Variants in RBBP4 observed in about 807,000 individuals in gnomAD.
RBBP4 encodes RB binding protein 4, chromatin remodeling factor, also known as histone-binding protein RBBP4.
A neutral mutation model predicts 57.2 loss-of-function variants in RBBP4; 3 were observed. The observed-to-expected ratio is 0.05, with a 90% CI of 0.02 to 0.14. RBBP4 has a LOEUF of 0.14. Among genes scored for constraint, RBBP4 ranks in the 10% least tolerant of loss-of-function variants. The probability of loss-of-function intolerance (pLI) is 1.00; values close to 1 mark genes in which losing one functional copy is unlikely to be tolerated. For synonymous variants in RBBP4, 151 were observed against 171.5 expected (o/e 0.88, Z 0.93); for missense variants, 107 against 520.6 (o/e 0.21, Z 7.73).
rs151240346 is a variant in RBBP4, at chr1:32,665,648, A to C, written c.311-2577A>C. Among the ~76,000 whole-genome samples the C allele has an allele frequency of 2.9e-3, 429 of 148,690 alleles. 3 individuals carry two copies. The highest frequency in any genetic ancestry group is 9.8e-3 in the African/African-American group (395 of 40,470). On this transcript the variant is annotated intron_variant, in intron 3 of 11. Transcript: ENST00000373493. ...AGCCGAGATCGTGCCATTACACTCC[A>C]GTCTGGGTGACAGAGCAAGACCCTG...
chr1:32,653,656 T>G lies in RBBP4; in HGVS notation c.164+1595T>G, dbSNP rs1570831190. The stretch of plus-strand genomic sequence containing the variant: ...TTTCTGGTTTTTTTTTTTTTTTTTT[T>G]TTTGTTTTTGTTTTTTTTTTTGAGA... On this transcript the variant is annotated intron_variant, in intron 2 of 11. Transcript: ENST00000373493. 1.6e-3 allele frequency among the ~76,000 whole-genome samples: 72 copies of G among 44,562 alleles called. 4 individuals are homozygous for G. The highest frequency in any genetic ancestry group is 6.5e-3 in the African/African-American group (61 of 9,320). 29.2% of individuals were successfully genotyped at this position (44,562 alleles called of 152,430 possible).
At chr1:32,663,741 T>G (rs1648523491) in intron 3 of RBBP4, among the ~76,000 whole-genome samples, 1 of 151,332 alleles carries the variant, frequency 6.6e-6, no homozygotes, top group Non-Finnish European at 1.5e-5. Flanking sequence ...CATGCCCAGC[T>G]AATTTTCTGT....
In RBBP4 at chr1:32,681,996, C is replaced by A. The variant is rs1479122110; in HGVS notation, c.*2291C>A. Reference sequence around the variant, plus strand: ...CTTTCCCCTAGCAAATATTTGGATGCCTCCTGTTTGTCAAATAGAATGAAT... The same window carrying A: ...CTTTCCCCTAGCAAATATTTGGATGACTCCTGTTTGTCAAATAGAATGAAT... On this transcript the variant is annotated 3_prime_UTR_variant, in exon 12 of 12. Coordinates refer to ENST00000373493, the MANE Select transcript of RBBP4 (RefSeq NM_005610.3). 5.5e-6 allele frequency: 4 copies of A among 731,298 alleles called. No homozygotes were observed. The highest frequency in any genetic ancestry group is 1.8e-5 in the South Asian group (1 of 56,806). The allele number at this position is 731,298 out of a possible 1,614,324, so 45.3% of individuals were successfully genotyped here.
chr1:32,685,405 G>A lies in RBBP4; in HGVS notation c.*5700G>A, dbSNP rs1649754902. Reference sequence around the variant, plus strand: ...CCTTAAGGAAGCAGGAGGGAGTTGGGAAGAGAGGAAGGGGTGAAGTTGGTA... The same window carrying A: ...CCTTAAGGAAGCAGGAGGGAGTTGGAAAGAGAGGAAGGGGTGAAGTTGGTA... On this transcript the variant is annotated 3_prime_UTR_variant, in exon 12 of 12. Transcript: ENST00000373493. The A allele has an allele frequency of 6.6e-6, 1 of 152,248 alleles. No individual in the cohort carries two copies. The allele number at this position is 152,248 out of a possible 1,614,324, so 9.4% of individuals were successfully genotyped here.
intron 11 of RBBP4, 83 bp downstream of exon 11, chr1:32,672,984 G>T: frequency 8.8e-7 from 1 of 1,137,292 alleles, no homozygotes; most frequent in Non-Finnish European, 1.3e-6. Context: ...TATGATTACA[G>T]CTACCATCTC....
In RBBP4 at chr1:32,657,547, G is replaced by A. The variant is rs763535267; in HGVS notation, c.285G>A (p.Ala95=). 6.8e-6 allele frequency: 11 copies of A among 1,613,830 alleles called. No individual in the cohort carries two copies. The highest frequency in any genetic ancestry group is 2.2e-5 in the East Asian group (1 of 44,894). ...CTAATGATGATGCTCAGTTTGATGC[G>A]TCACACTACGACAGTGAGAAAGGAG... ...QLPNDDAQFD[A]SHYDSEKGEF... is the part of the protein sequence containing the mutation. The change falls in exon 3 of 12, where the codon GCG becomes GCA. Residue 95 remains alanine (A), a synonymous_variant. Transcript: ENST00000373493.
At position 32,669,089 on chromosome 1, in the gene RBBP4, G is replaced by C; in HGVS notation, c.718G>C (p.Glu240Gln). 1 of 1,614,176 alleles carries C rather than the reference G, an allele frequency of 6.2e-7. No individual in the cohort carries two copies. Among genetic ancestry groups the C allele is most frequent in the Non-Finnish European group, 8.5e-7 (1 of 1,180,022 alleles). The change falls in exon 6 of 12, where the codon GAG (glutamate) becomes CAG (glutamine). Residue 240 changes from glutamate to glutamine, a missense_variant. Coordinates refer to ENST00000373493, the MANE Select transcript of RBBP4 (RefSeq NM_005610.3). The surrounding 1 kb of genome is among the most constrained non-coding windows in gnomAD (Gnocchi z 4.9). The part of the protein sequence containing the change: ...VEDVSWHLLH[E>Q]SLFGSVADDQ... ...AGATGTTTCCTGGCATCTACTCCAT[G>C]AGTCTCTGTTTGGGTCAGTTGCTGA...
chr1:32,670,464 A>T (rs1370693084), intron 8 of RBBP4, among the ~76,000 whole-genome samples: 7 of 152,214 alleles, frequency 4.6e-5, no homozygotes, highest in Admixed American at 1.3e-4. Flanking sequence ...TGCAAAAATT[A>T]AAAAAAGAAA....
At chr1:32,665,722 A>G (rs1369428156) in intron 3 of RBBP4, among the ~76,000 whole-genome samples, 1 of 151,374 alleles carries the variant, frequency 6.6e-6, no homozygotes, top group Non-Finnish European at 1.5e-5. Context: ...CAATTGACAG[A>G]ATATTTTTAT....
At chr1:32,666,776 T>C (rs766436537) in intron 3 of RBBP4, among the ~76,000 whole-genome samples, 2 of 152,208 alleles carry the variant, frequency 1.3e-5, no homozygotes, top group East Asian at 1.9e-4. Context: ...AGAATAAGAA[T>C]AGTTAAAATA....
At chr1:32,662,768 G>A (rs1418161700) in intron 3 of RBBP4, among the ~76,000 whole-genome samples, 11 of 151,460 alleles carry the variant, frequency 7.3e-5, no homozygotes, top group African/African-American at 4.8e-5. Context: ...TATGGATCAC[G>A]AAGTCAGGAG....
chr1:32,667,932 T>A (rs1196504091), intron 3 of RBBP4, among the ~76,000 whole-genome samples: 1 of 152,208 alleles, frequency 6.6e-6, no homozygotes, highest in East Asian at 1.9e-4. Flanking sequence ...AATCTGTACA[T>A]GTTCAATACA....
chr1:32,673,406 A>G (rs560826059), intron 11 of RBBP4: 5 of 398,196 alleles, frequency 1.3e-5, no homozygotes, highest in African/African-American at 1.1e-4. Context: ...CCCTATCTCT[A>G]TCTCAAAGAA....
At position 32,685,166 on chromosome 1, in the gene RBBP4, C is replaced by T. The variant is rs1649738746; in HGVS notation, c.*5461C>T. 1 of 152,120 alleles carries T rather than the reference C, an allele frequency of 6.6e-6. No individual in the cohort carries two copies. The highest frequency in any genetic ancestry group is 1.5e-5 in the Non-Finnish European group (1 of 68,034). The allele number at this position is 152,120 out of a possible 1,614,324, so 9.4% of individuals were successfully genotyped here. On this transcript the variant is annotated 3_prime_UTR_variant, in exon 12 of 12. Transcript: ENST00000373493. ...TGCCCAGCTTATCCTTTTTTCATTA[C>T]ACAAAAAGACTGAATTTGGTTAGTT...
chr1:32,663,561 A>G (rs1172486307), intron 3 of RBBP4, among the ~76,000 whole-genome samples: 3 of 146,866 alleles, frequency 2.0e-5, no homozygotes, highest in Admixed American at 7.1e-5. Flanking sequence ...GGCATGTGCC[A>G]CCACAGTCAG....
chr1:32,671,659 G>C (rs1648881202), intron 8 of RBBP4, among the ~76,000 whole-genome samples: 1 of 151,164 alleles, frequency 6.6e-6, no homozygotes, highest in Non-Finnish European at 1.5e-5. Flanking sequence ...AAGAGTTCAA[G>C]TCCAGCCTAG....
At chr1:32,656,297 C>A (rs1190525622) in intron 2 of RBBP4, among the ~76,000 whole-genome samples, 1 of 152,022 alleles carries the variant, frequency 6.6e-6, no homozygotes, top group African/African-American at 2.4e-5. Flanking sequence ...CGGGTTCAAG[C>A]GATTCTTGTG....
intron 2 of RBBP4, among the ~76,000 whole-genome samples, chr1:32,653,682 CGGAGTCT>C (rs1648008255): frequency 1.0e-5 from 1 of 100,026 alleles, no homozygotes; most frequent in Non-Finnish European, 1.8e-5. Flanking sequence ...TTTTTTGAGA[CGGAGTCT>C]CCTCTCTTGC....
At chr1:32,670,302 C>A (rs1314539325) in intron 8 of RBBP4, among the ~76,000 whole-genome samples, 1 of 152,126 alleles carries the variant, frequency 6.6e-6, no homozygotes, top group Non-Finnish European at 1.5e-5. Context: ...CATTACTTGC[C>A]ACATGTGTTG....
Sources: gnomAD v4.1 joint callset for allele counts (sites outside exome capture counted in the v4.1 genomes callset) on GRCh38, gnomAD v4.1.1 for gene constraint, Gnocchi (gnomAD v3.1) non-coding constraint, MANE v1.5 for transcripts, NCBI Gene and HGNC (gene_info 2026-07-23, HGNC 2026-07-21) for gene names.